MAPK6: variants seen among roughly 807,000 people sequenced by gnomAD.
MAPK6 encodes the protein ERK-3.
A neutral mutation model predicts 59.3 loss-of-function variants in MAPK6; 19 were observed. The ratio of observed to expected loss-of-function variants is 0.32; its 90% CI spans 0.22 to 0.47. The LOEUF (loss-of-function observed/expected upper bound fraction) is 0.47, where lower values mean the gene tolerates loss of function less well. Ranked by LOEUF, MAPK6 falls within the 20% of genes least tolerant of loss-of-function variation. MAPK6 has a pLI of 1.00. For synonymous variants in MAPK6, 316 were observed against 290.3 expected (o/e 1.09, Z -0.90); for missense variants, 724 against 847.9 (o/e 0.85, Z 1.81).
chr15:51,976,191 G>C lies in MAPK6; in HGVS notation c.-880+4285G>C, dbSNP rs557883417. Among the ~76,000 whole-genome samples the C allele has an allele frequency of 4.6e-4, 70 of 150,866 alleles. 1 individual carries two copies. Among genetic ancestry groups the C allele is most frequent in the Admixed American group, 8.6e-4 (13 of 15,142 alleles). On this transcript the variant is annotated intron_variant, in intron 1 of 7. Transcript: ENST00000691380. ...TGAGGCAGAAGAATCGCTTGAACCC[G>C]GGAGGCAGAGGTTGCAGTGAGCTGA... is the stretch of plus-strand genomic sequence containing the variant.
rs1322040210 is a variant in MAPK6, at chr15:52,065,841, AAGTG to A, written c.*842_*845del. On this transcript the variant is annotated 3_prime_UTR_variant, in exon 6 of 6. Transcript: ENST00000261845. ...GGCTGTCCACGTACTTAATTTACTT[AAGTG>A]TTCATTTTAAGTAACGTGCTCACTG... The A allele has an allele frequency of 6.6e-6, 1 of 152,578 alleles. No individual in the cohort carries two copies. Among genetic ancestry groups the A allele is most frequent in the Non-Finnish European group, 1.5e-5 (1 of 68,028 alleles). The allele number at this position is 152,578 out of a possible 1,614,324, so 9.5% of individuals were successfully genotyped here.
rs71130125 is a variant in MAPK6 at position 52,043,742 on chromosome 15, A to ATTTTTTTTTTTT, written c.-631-2065_-631-2054dup. 1.3e-3 allele frequency among the ~76,000 whole-genome samples: 53 copies of ATTTTTTTTTTTT among 40,658 alleles called. 9 individuals are homozygous for ATTTTTTTTTTTT. The highest frequency in any genetic ancestry group is 1.6e-3 in the Non-Finnish European group (37 of 22,480). The allele number at this position is 40,658 out of a possible 152,430, so 26.7% of individuals were successfully genotyped here. On this transcript the variant is annotated intron_variant, in intron 1 of 5. Transcript: ENST00000261845. ...TGATATGTTGGACTTAAGTTGTTTGATTTTTTTTTTTTTTTTTTTTTTTTT... is the reference window on the plus strand; with the variant it reads ...TGATATGTTGGACTTAAGTTGTTTGATTTTTTTTTTTTTTTTTTTTTTTTTTTTTTTTTTTTT...
intron 2 of MAPK6, 32 bp downstream of exon 2, chr15:52,047,047 T>G (rs2031613348): frequency 1.0e-5 from 15 of 1,445,742 alleles, no homozygotes; most frequent in Non-Finnish European, 1.3e-5. Context: ...AGACAGATCT[T>G]TAAACTGATA....
intron 3 of MAPK6, among the ~76,000 whole-genome samples, chr15:52,007,272 G>A (rs1164850220): frequency 6.6e-6 from 1 of 152,132 alleles, no homozygotes; most frequent in African/African-American, 2.4e-5. Context: ...GCAGGGAGGG[G>A]AGTGGGAGCA....
rs1009440274 is a variant in MAPK6, at chr15:52,004,910, G to T, written c.-632+508G>T. Among the ~76,000 whole-genome samples, 77 of 152,198 alleles carry T rather than the reference G, an allele frequency of 5.1e-4. 1 individual carries two copies. Among genetic ancestry groups the T allele is most frequent in the Middle Eastern group, 3.4e-3 (1 of 294 alleles). On this transcript the variant is annotated intron_variant, in intron 3 of 7. Coordinates refer to the MAPK6 transcript ENST00000691380. ...CCCACTCTGGATTTTCCCTTCTGTC[G>T]CTCTGAGGCTGAGCGTGGAAGGGAC...
At position 51,981,162 on chromosome 15, in the gene MAPK6, A is replaced by G. The variant is rs1595956580; in HGVS notation, c.-879-2044A>G. On this transcript the variant is annotated intron_variant, in intron 1 of 7. Transcript: ENST00000691380. ...AAATATAAGCTTGGAAAAGGTTCCA[A>G]TATGCTTCCTATGAAAATTCAGACT... 2.6e-5 allele frequency among the ~76,000 whole-genome samples: 4 copies of G among 151,820 alleles called. No individual in the cohort carries two copies. In the East Asian group the frequency reaches 7.7e-4, roughly 29 times the overall value.
At chr15:52,058,542 G>A (rs2032071455) in intron 3 of MAPK6, 91 bp from the exon 4 acceptor site, 10 of 1,097,374 alleles carry the variant, frequency 9.1e-6, no homozygotes, top group Non-Finnish European at 1.2e-5. Flanking sequence ...CCCCCCACTG[G>A]TCATTATAAT....
At chr15:52,053,219 G>C (rs946510547) in intron 3 of MAPK6, among the ~76,000 whole-genome samples, 1 of 151,858 alleles carries the variant, frequency 6.6e-6, no homozygotes, top group African/African-American at 2.4e-5. Context: ...GATTACAAAG[G>C]CTTGTGCCAC....
chr15:51,977,299 G>A lies in MAPK6; in HGVS notation c.-880+5393G>A, dbSNP rs13329107. Among the ~76,000 whole-genome samples the A allele has an allele frequency of 9.8e-3, 1,482 of 151,616 alleles. 33 individuals carry two copies. Among genetic ancestry groups the A allele is most frequent in the African/African-American group, 0.034 (1,419 of 41,472 alleles). ...ATTACAGACGTGAGCCACTGCGCCC[G>A]GCCGATCCATCTTAGAATTCTGTAC... On this transcript the variant is annotated intron_variant, in intron 1 of 7. Transcript: ENST00000691380.
chr15:51,972,478 T>G (rs561475525), intron 1 of MAPK6, among the ~76,000 whole-genome samples: 1 of 132,634 alleles, frequency 7.5e-6, no homozygotes, highest in South Asian at 2.3e-4. Flanking sequence ...AAGTTACTAA[T>G]TCATTTAAAA....
chr15:52,020,739 T>A (rs2030494822), intron 1 of MAPK6, among the ~76,000 whole-genome samples: 2 of 152,386 alleles, frequency 1.3e-5, no homozygotes, highest in South Asian at 4.1e-4. Flanking sequence ...AATTTTGAAT[T>A]GGGTGAAAGG....
At chr15:52,044,182 G>A (rs540866091) in intron 1 of MAPK6, among the ~76,000 whole-genome samples, 2 of 151,818 alleles carry the variant, frequency 1.3e-5, no homozygotes, top group East Asian at 3.9e-4. Flanking sequence ...TTTTTTGGGG[G>A]GGCGGGCTAG....
intron 3 of MAPK6, among the ~76,000 whole-genome samples, chr15:52,011,791 T>G (rs1031340322): frequency 3.9e-5 from 6 of 152,228 alleles, no homozygotes; most frequent in African/African-American, 1.4e-4. Flanking sequence ...ATTTCTTCAG[T>G]GGAAGGCTGT....
intron 2 of MAPK6, among the ~76,000 whole-genome samples, chr15:52,001,509 CTT>C (rs71130114): frequency 1.6e-5 from 2 of 128,062 alleles, no homozygotes; most frequent in Non-Finnish European, 1.6e-5. Flanking sequence ...CTTTTCCTTT[CTT>C]TTTTTTTTTT....
intron 2 of MAPK6, among the ~76,000 whole-genome samples, chr15:51,988,476 G>C (rs2470594): frequency 0.094 from 14,323 of 152,128 alleles, 1,900 homozygotes; most frequent in African/African-American, 0.29. Context: ...GCTCAAGCTT[G>C]TAATCCCAGC....
chr15:52,060,040 T>C (rs1270765399), intron 4 of MAPK6, among the ~76,000 whole-genome samples: 1 of 152,200 alleles, frequency 6.6e-6, no homozygotes, highest in Non-Finnish European at 1.5e-5. Context: ...AATTTCCCTC[T>C]ATACTTACCT....
chr15:52,059,380 A>C (rs2032108858), intron 4 of MAPK6, among the ~76,000 whole-genome samples: 1 of 152,194 alleles, frequency 6.6e-6, no homozygotes, highest in Non-Finnish European at 1.5e-5. Context: ...TTTCTGCCTC[A>C]GCCTCCCACA....
At chr15:52,052,338 C>T (rs1382256265) in intron 3 of MAPK6, among the ~76,000 whole-genome samples, 5 of 152,188 alleles carry the variant, frequency 3.3e-5, no homozygotes, top group Non-Finnish European at 7.4e-5. Context: ...TGGTGGCTGG[C>T]TTCCTCTAGA....
At chr15:51,992,426 C>T (rs532471809) in intron 2 of MAPK6, among the ~76,000 whole-genome samples, 27 of 151,904 alleles carry the variant, frequency 1.8e-4, no homozygotes, top group African/African-American at 4.8e-4. Flanking sequence ...CTCAGCCTCC[C>T]GGGTAGCTGG....
Sources: gnomAD v4.1 joint callset for allele counts (sites outside exome capture counted in the v4.1 genomes callset) on GRCh38, gnomAD v4.1.1 for gene constraint, MANE v1.5 for transcripts, NCBI Gene and HGNC (gene_info 2026-07-23, HGNC 2026-07-21) for gene names.